The following FHIT variants were observed in gnomAD, a reference collection of about 807,000 sequenced individuals.
The protein encoded by FHIT is fragile histidine triad diadenosine triphosphatase.
A neutral mutation model predicts 17.9 loss-of-function variants in FHIT; 19 were observed. That is an observed-to-expected ratio of 1.06 (90% CI 0.74 to 1.56). FHIT has a LOEUF of 1.56. Among genes scored for constraint, FHIT ranks in the 40% most tolerant of loss-of-function variants. FHIT has a pLI of 0.00. For synonymous variants in FHIT, 81 were observed against 69.7 expected (o/e 1.16, Z -0.81); for missense variants, 248 against 189.2 (o/e 1.31, Z -1.82).
intron 2 of FHIT, among the ~76,000 whole-genome samples, chr3:61,042,747 G>A (rs2033581175): frequency 6.6e-6 from 1 of 151,876 alleles, no homozygotes; most frequent in African/African-American, 2.4e-5. Context: ...GGCTGAGGCA[G>A]GAGAATTGCT....
chr3:60,654,184 T>C, intron 4 of FHIT, among the ~76,000 whole-genome samples: 1 of 152,232 alleles, frequency 6.6e-6, no homozygotes, highest in Middle Eastern at 3.4e-3. Context: ...CCGTGCTTCC[T>C]GTAAAGCCTG....
At chr3:60,407,550 T>G (rs1449675712) in intron 5 of FHIT, among the ~76,000 whole-genome samples, 1 of 152,190 alleles carries the variant, frequency 6.6e-6, no homozygotes, top group Non-Finnish European at 1.5e-5. Context: ...TTTTATTTAT[T>G]GTTGCCCAAG....
chr3:60,429,521 T>A (rs1237716319), intron 5 of FHIT, among the ~76,000 whole-genome samples: 3 of 151,964 alleles, frequency 2.0e-5, no homozygotes, highest in Non-Finnish European at 4.4e-5. Flanking sequence ...TAGATGGCCT[T>A]ACCAGCTAGA....
chr3:61,205,331 A>G (rs1307094379), intron 1 of FHIT, among the ~76,000 whole-genome samples: 1 of 152,168 alleles, frequency 6.6e-6, no homozygotes, highest in Non-Finnish European at 1.5e-5. Flanking sequence ...CTTTTAGTAT[A>G]TACCCAGTAA....
Position 60,279,861 on chromosome 3 carries a change from C to G in FHIT, c.103+256999G>C, listed in dbSNP as rs998586479. Among the ~76,000 whole-genome samples the G allele has an allele frequency of 9.2e-5, 14 of 151,992 alleles. 1 individual carries two copies. The highest frequency in any genetic ancestry group is 1.6e-4 in the Non-Finnish European group (11 of 67,950). ...CCTGACTAACACAGTGAAACCCCGT[C>G]TCTACTAAAAATACAAAAAAATTAG... On this transcript the variant is annotated intron_variant, in intron 5 of 9. Transcript: ENST00000492590.
chr3:60,041,418 A>G (rs939402225), intron 5 of FHIT, among the ~76,000 whole-genome samples: 1 of 152,206 alleles, frequency 6.6e-6, no homozygotes, highest in Non-Finnish European at 1.5e-5. Flanking sequence ...GGAAAATGTC[A>G]AAGTATAGCA....
intron 8 of FHIT, among the ~76,000 whole-genome samples, chr3:59,888,907 G>A (rs570937919): frequency 2.0e-5 from 3 of 152,338 alleles, no homozygotes; most frequent in Admixed American, 1.3e-4. Context: ...TTCTTGCTAT[G>A]TCATAACATG....
intron 3 of FHIT, among the ~76,000 whole-genome samples, chr3:60,960,007 G>A (rs1465754813): frequency 6.6e-6 from 1 of 151,448 alleles, no homozygotes; most frequent in Non-Finnish European, 1.5e-5. Flanking sequence ...AAAAAACAAA[G>A]ATTAAACTAC....
chr3:60,324,616 G>C (rs1485001541), intron 5 of FHIT, among the ~76,000 whole-genome samples: 4 of 149,852 alleles, frequency 2.7e-5, no homozygotes, highest in Non-Finnish European at 5.9e-5. Flanking sequence ...ACTGACAATA[G>C]AGTTGTGGTT....
At chr3:60,324,536 G>C (rs1709589399) in intron 5 of FHIT, among the ~76,000 whole-genome samples, 1 of 138,210 alleles carries the variant, frequency 7.2e-6, no homozygotes, top group Non-Finnish European at 1.5e-5. Flanking sequence ...AGTGAGCCAA[G>C]ATCGCCAAGC....
At chr3:61,041,912 G>C (rs1173172630) in intron 3 of FHIT, 135 bp downstream of exon 3, 2 of 152,148 alleles carry the variant, frequency 1.3e-5, no homozygotes, top group Non-Finnish European at 2.9e-5. Flanking sequence ...AGAACTGAAG[G>C]CTGTTTACCA....
intron 4 of FHIT, among the ~76,000 whole-genome samples, chr3:60,543,063 G>C (rs1243216656): frequency 6.6e-6 from 1 of 152,120 alleles, no homozygotes; most frequent in Non-Finnish European, 1.5e-5. Context: ...CTGCTTCAGA[G>C]CCAGACGCTG....
At chr3:59,787,516 A>G (rs1443736715) in intron 8 of FHIT, among the ~76,000 whole-genome samples, 31 of 149,402 alleles carry the variant, frequency 2.1e-4, no homozygotes, top group Admixed American at 2.0e-3. Flanking sequence ...ACACACACAC[A>G]CACACACACA....
At chr3:59,779,974 T>C (rs1702499664) in intron 8 of FHIT, among the ~76,000 whole-genome samples, 1 of 152,338 alleles carries the variant, frequency 6.6e-6, no homozygotes, top group East Asian at 1.9e-4. Context: ...CTGAAACAAC[T>C]GCTAGGCAGA....
intron 5 of FHIT, among the ~76,000 whole-genome samples, chr3:60,244,104 G>A (rs537780712): frequency 1.1e-3 from 173 of 152,222 alleles, no homozygotes; most frequent in African/African-American, 4.0e-3. Context: ...TATATTAAAA[G>A]TGGCTTTTCT....
intron 5 of FHIT, among the ~76,000 whole-genome samples, chr3:60,203,643 TG>T (rs747619721): frequency 6.6e-6 from 1 of 152,188 alleles, no homozygotes; most frequent in African/African-American, 2.4e-5. Context: ...GTCAGCCCAT[TG>T]GAACTGATCT....
intron 4 of FHIT, among the ~76,000 whole-genome samples, chr3:60,552,903 C>G (rs555680761): frequency 6.6e-6 from 1 of 152,156 alleles, no homozygotes; most frequent in Non-Finnish European, 1.5e-5. Flanking sequence ...TGGGTTTTCT[C>G]CAGGCACTCT....
chr3:60,847,304 C>T (rs565003661), intron 3 of FHIT, among the ~76,000 whole-genome samples: 13 of 152,216 alleles, frequency 8.5e-5, no homozygotes, highest in African/African-American at 2.9e-4. Flanking sequence ...ATGGCATTTC[C>T]AGTTAGGGTA....
chr3:61,057,031 G>A (rs1321411447), intron 2 of FHIT, among the ~76,000 whole-genome samples: 1 of 152,324 alleles, frequency 6.6e-6, no homozygotes, highest in East Asian at 1.9e-4. Context: ...GCAGCTGGAA[G>A]TGTTAGGGAA....
Sources: allele counts gnomAD v4.1 joint callset (sites outside exome capture counted in the v4.1 genomes callset), GRCh38; gene constraint gnomAD v4.1.1; transcripts MANE v1.5; gene names NCBI Gene and HGNC (gene_info 2026-07-23, HGNC 2026-07-21).